PRTG: variants seen among roughly 807,000 people sequenced by gnomAD.
PRTG encodes immunoglobulin superfamily, DCC subclass, member 5.
A neutral mutation model predicts 122.5 loss-of-function variants in PRTG; 67 were observed. The observed-to-expected ratio is 0.55, with a 90% CI of 0.45 to 0.67. The LOEUF is 0.67. Ranked by LOEUF, PRTG falls within the 30% of genes least tolerant of loss-of-function variation. The probability of loss-of-function intolerance (pLI) is 0.00; values close to 1 mark genes in which losing one functional copy is unlikely to be tolerated. For missense variants in PRTG, 1,435 were observed against 1,415.4 expected (o/e 1.01, Z -0.22); for synonymous variants, 554 against 501.1 (o/e 1.11, Z -1.41).
intron 5 of PRTG, 58 bp downstream of exon 5, chr15:55,680,433 A>G (rs1245061495): frequency 6.7e-7 from 1 of 1,488,904 alleles, no homozygotes; most frequent in African/African-American, 1.4e-5. Context: ...TATAAATTTC[A>G]TTAGAATGAA....
At chr15:55,727,706 G>T (rs1472254370) in intron 2 of PRTG, among the ~76,000 whole-genome samples, 1 of 152,162 alleles carries the variant, frequency 6.6e-6, no homozygotes, top group African/African-American at 2.4e-5. Context: ...TGAGGCAGAA[G>T]AATCACTTGA....
intron 11 of PRTG, among the ~76,000 whole-genome samples, chr15:55,659,223 T>C (rs2059396263): frequency 6.6e-6 from 1 of 152,198 alleles, no homozygotes; most frequent in Non-Finnish European, 1.5e-5. Flanking sequence ...TATGTACAGT[T>C]TCAATAAACT....
chr15:55,635,621 C>A (rs998695919), intron 15 of PRTG, among the ~76,000 whole-genome samples: 7 of 152,150 alleles, frequency 4.6e-5, no homozygotes, highest in Non-Finnish European at 7.3e-5. Context: ...ACTTTCAAGT[C>A]CCTTCAGTGA....
chr15:55,615,378 A>G lies in PRTG; in HGVS notation c.*4634T>C, dbSNP rs2059137425. The G allele has an allele frequency of 6.6e-6, 1 of 152,158 alleles. No individual in the cohort carries two copies. The highest frequency in any genetic ancestry group is 2.1e-4 in the South Asian group (1 of 4,836). 9.4% of individuals were successfully genotyped at this position (152,158 alleles called of 1,614,324 possible). On this transcript the variant is annotated 3_prime_UTR_variant, in exon 20 of 20. Transcript: ENST00000389286. ...TATCTGGTAAAAATACAAGACTGTC[A>G]TGTTAATCTTAAACACCATCAACGG... is the stretch of plus-strand genomic sequence containing the variant.
intron 1 of PRTG, 112 bp from the exon 2 acceptor site, chr15:55,740,796 A>C: frequency 1.1e-6 from 1 of 904,102 alleles, no homozygotes; most frequent in South Asian, 1.9e-5. Context: ...AAGTTTAATA[A>C]ATTTTATTAG....
At chr15:55,732,555 C>T (rs1156378224) in intron 2 of PRTG, among the ~76,000 whole-genome samples, 1 of 142,122 alleles carries the variant, frequency 7.0e-6, no homozygotes, top group Admixed American at 7.6e-5. Context: ...AGTGCAATGG[C>T]GCGATCTCAG....
chr15:55,638,476 T>C, intron 14 of PRTG, 73 bp downstream of exon 14: 1 of 1,201,154 alleles, frequency 8.3e-7, no homozygotes, highest in Non-Finnish European at 1.2e-6. Context: ...CTACACAGAA[T>C]GACATACATA....
At chr15:55,675,477 C>G in intron 9 of PRTG, 42 bp downstream of exon 9, 1 of 1,384,096 alleles carries the variant, frequency 7.2e-7, no homozygotes, top group Non-Finnish European at 1.0e-6. Context: ...ACAAAACATA[C>G]GAATGTTCAT....
At position 55,627,017 on chromosome 15, in the gene PRTG, C is replaced by A. The variant is rs746461408; in HGVS notation, c.2918G>T (p.Ser973Ile). Residue 973 changes from serine to isoleucine, a missense_variant, in exon 17 of 20, where the codon AGT (serine) becomes ATT (isoleucine). By Grantham distance (142) the Ser-to-Ile change is moderately radical. Coordinates refer to ENST00000389286, the MANE Select transcript of PRTG (RefSeq NM_173814.6). ...AGCAATGGAAACACACCTGGCTTTA[C>A]TTCGGTATATCAAGATGAGAACACA... is the stretch of plus-strand genomic sequence containing the variant. ...LICVLILIYR[S>I]KARKSSASKT... is the part of the protein sequence containing the mutation. The A allele has an allele frequency of 1.2e-6, 2 of 1,606,480 alleles. No homozygotes were observed.
At position 55,614,861 on chromosome 15, in the gene PRTG, A is replaced by G. The variant is rs1054773205; in HGVS notation, c.*5151T>C. 12 of 152,124 alleles carry G rather than the reference A, an allele frequency of 7.9e-5. No homozygotes were observed. Among genetic ancestry groups the G allele is most frequent in the African/African-American group, 2.9e-4 (12 of 41,438 alleles). 9.4% of individuals were successfully genotyped at this position (152,124 alleles called of 1,614,324 possible). On this transcript the variant is annotated 3_prime_UTR_variant, in exon 20 of 20. Coordinates refer to ENST00000389286, the MANE Select transcript of PRTG (RefSeq NM_173814.6). Reference sequence around the variant, plus strand: ...TTACAGGGATCAGAATTCCACAGAAAGAATGTACCTGTTGTGGGCAAAATA... The same window carrying G: ...TTACAGGGATCAGAATTCCACAGAAGGAATGTACCTGTTGTGGGCAAAATA...
intron 16 of PRTG, among the ~76,000 whole-genome samples, chr15:55,628,386 G>A (rs2059207382): frequency 7.0e-6 from 1 of 142,740 alleles, no homozygotes. Flanking sequence ...GACAGAGAGG[G>A]AAAAAAAAAA....
rs1259745039 is a variant in PRTG at position 55,620,092 on chromosome 15, C to G, written c.3373G>C (p.Asp1125His). ...GACTCATGAGAAAACCGCCCAGAAT[C>G]CCCAGTCTCATGGCTGCCTTCACTA... ...ANSEGSHETG[D>H]SGRFSHESND... The change falls in exon 20 of 20, where the codon GAT becomes CAT. Residue 1125 changes from aspartate (D) to histidine (H), a missense_variant. Physicochemically the swap from Asp to His is moderately conservative, Grantham distance 81. Coordinates refer to ENST00000389286, the MANE Select transcript of PRTG (RefSeq NM_173814.6). 3 of 1,614,160 alleles carry G rather than the reference C, an allele frequency of 1.9e-6. No homozygotes were observed. In the South Asian group the frequency reaches 3.3e-5, roughly 18 times the overall value.
At position 55,740,299 on chromosome 15, in the gene PRTG, G is replaced by A. The variant is rs2031566495; in HGVS notation, c.397+83C>T. The A allele has an allele frequency of 3.9e-6, 5 of 1,280,738 alleles. No homozygotes were observed. In the Middle Eastern group the frequency reaches 5.8e-4, roughly 150 times the overall value. 79.3% of individuals were successfully genotyped at this position (1,280,738 alleles called of 1,614,324 possible). ...AAAATTCTTAATGCATGCATGATTC[G>A]GGGGATTATTATATTAATAAAGCAA... On this transcript the variant is annotated intron_variant, in intron 2 of 19. Coordinates refer to ENST00000389286, the MANE Select transcript of PRTG (RefSeq NM_173814.6).
intron 2 of PRTG, among the ~76,000 whole-genome samples, chr15:55,732,791 G>A (rs1268183900): frequency 6.6e-6 from 1 of 152,184 alleles, no homozygotes; most frequent in Non-Finnish European, 1.5e-5. Flanking sequence ...ACCATGCCCA[G>A]CCGGTAAACC....
rs915743452 is a variant in PRTG at position 55,675,614 on chromosome 15, T to G, written c.1451A>C (p.Glu484Ala). Residue 484 changes from glutamate (E) to alanine (A), a missense_variant, in exon 9 of 20, where the codon GAG becomes GCG. Transcript: ENST00000389286. Reference sequence around the variant, plus strand: ...GTAGAAAGTATAATTGCTGGCAGGCTCTAAGTCATCAATAATATAATGAGT... The same window carrying G: ...GTAGAAAGTATAATTGCTGGCAGGCGCTAAGTCATCAATAATATAATGAGT... The part of the protein sequence containing the change: ...DTTHYIIDDL[E>A]PASNYTFYIV... 1.2e-6 allele frequency: 2 copies of G among 1,604,494 alleles called. No individual in the cohort carries two copies. The highest frequency in any genetic ancestry group is 1.7e-6 in the Non-Finnish European group (2 of 1,171,412).
At chr15:55,707,587 C>T (rs1366622276) in intron 2 of PRTG, among the ~76,000 whole-genome samples, 1 of 152,160 alleles carries the variant, frequency 6.6e-6, no homozygotes, top group Non-Finnish European at 1.5e-5. Flanking sequence ...TGGACAACAG[C>T]CATATAGAAA....
At chr15:55,695,183 A>G (rs995713173) in intron 2 of PRTG, among the ~76,000 whole-genome samples, 3 of 152,246 alleles carry the variant, frequency 2.0e-5, no homozygotes, top group African/African-American at 7.2e-5. Context: ...TTATTTGACT[A>G]GAAAGCAACA....
At chr15:55,694,836 C>T (rs2059623278) in intron 2 of PRTG, among the ~76,000 whole-genome samples, 1 of 152,174 alleles carries the variant, frequency 6.6e-6, no homozygotes, top group Non-Finnish European at 1.5e-5. Flanking sequence ...GACTTTGTTT[C>T]CGCCAGTTAG....
At chr15:55,736,378 A>C (rs11853512) in intron 2 of PRTG, among the ~76,000 whole-genome samples, 76,432 of 148,738 alleles carry the variant, frequency 0.51, 20,257 homozygotes, top group Non-Finnish European at 0.62. Context: ...TCACTTCCCC[A>C]TCTTTTTTTT....
Sources: allele counts gnomAD v4.1 joint callset (sites outside exome capture counted in the v4.1 genomes callset), GRCh38; gene constraint gnomAD v4.1.1; transcripts MANE v1.5; gene names NCBI Gene and HGNC (gene_info 2026-07-23, HGNC 2026-07-21).